Variants in ARL5B observed in about 807,000 individuals in gnomAD.
ARL5B encodes the protein ARF like GTPase 5B.
Under a neutral mutation model 26.9 loss-of-function variants are expected in ARL5B, and 10 were observed. The ratio of observed to expected loss-of-function variants is 0.37; its 90% CI spans 0.23 to 0.63. ARL5B has a LOEUF of 0.63. ARL5B is among the 30% of genes least tolerant of loss of function. The pLI is 0.62. For synonymous variants in ARL5B, 87 were observed against 70.4 expected, an observed-to-expected ratio of 1.24 and a Z score of -1.18; for missense variants, 167 against 213.9, an observed-to-expected ratio of 0.78 and a Z score of 1.37.
rs1477210316 is a variant in ARL5B at position 18,677,698 on chromosome 10, T to G, written c.*2482T>G. 4 of 152,356 alleles carry G rather than the reference T, an allele frequency of 2.6e-5. No homozygotes were observed. The highest frequency in any genetic ancestry group is 9.7e-5 in the African/African-American group (4 of 41,436). 9.4% of individuals were successfully genotyped at this position (152,356 alleles called of 1,614,324 possible). Reference sequence around the variant, plus strand: ...AGATACTGTCTAAAAAATGTACATTTGTAATTAGTGCCTTTATTCATATTT... The same window carrying G: ...AGATACTGTCTAAAAAATGTACATTGGTAATTAGTGCCTTTATTCATATTT... On this transcript the variant is annotated 3_prime_UTR_variant, in exon 6 of 6. Transcript: ENST00000377275.
At chr10:18,673,427 A>G (rs1307336983) in intron 4 of ARL5B, among the ~76,000 whole-genome samples, 1 of 152,106 alleles carries the variant, frequency 6.6e-6, no homozygotes, top group African/African-American at 2.4e-5. Flanking sequence ...CTTTTTGTAC[A>G]ACATTGTGAC....
chr10:18,669,196 T>C (rs549833685), intron 3 of ARL5B, among the ~76,000 whole-genome samples: 1 of 152,184 alleles, frequency 6.6e-6, no homozygotes, highest in South Asian at 2.1e-4. Context: ...ATAGAAAGAT[T>C]GTTTGGAGCT....
At chr10:18,671,127 T>C (rs2059885188) in intron 3 of ARL5B, among the ~76,000 whole-genome samples, 1 of 152,212 alleles carries the variant, frequency 6.6e-6, no homozygotes, top group African/African-American at 2.4e-5. Flanking sequence ...TATTCCCTTC[T>C]AAGCCCAACT....
At position 18,681,262 on chromosome 10, in the gene ARL5B, AACAAAAAATT is replaced by A. The variant is rs1482681671; in HGVS notation, c.*6047_*6056del. ...CCAATATATAAGCATTAACAACAACAACAAAAAATTTAAAACAAGTAAATTAATGCATTCA... is the reference window on the plus strand; with the variant it reads ...CCAATATATAAGCATTAACAACAACATAAAACAAGTAAATTAATGCATTCA... On this transcript the variant is annotated 3_prime_UTR_variant, in exon 6 of 6. Coordinates refer to ENST00000377275, the MANE Select transcript of ARL5B (RefSeq NM_178815.5). 1 of 152,338 alleles carries A rather than the reference AACAAAAAATT, an allele frequency of 6.6e-6. No homozygotes were observed. Among genetic ancestry groups the A allele is most frequent in the East Asian group, 1.9e-4 (1 of 5,192 alleles). The allele number at this position is 152,338 out of a possible 1,614,324, so 9.4% of individuals were successfully genotyped here.
At chr10:18,662,588 C>G (rs1028641390) in intron 1 of ARL5B, among the ~76,000 whole-genome samples, 1 of 151,994 alleles carries the variant, frequency 6.6e-6, no homozygotes, top group Admixed American at 6.6e-5. Context: ...TAGCTCACCT[C>G]TAAAGTTTTG....
intron 4 of ARL5B, 37 bp downstream of exon 4, chr10:18,672,742 G>T (rs778834601): frequency 2.0e-6 from 3 of 1,477,350 alleles, no homozygotes; most frequent in Non-Finnish European, 2.8e-6. Flanking sequence ...AAACAGTGTA[G>T]TAAAGTATCT....
chr10:18,674,979 A>T (rs1257081932), intron 5 of ARL5B, among the ~76,000 whole-genome samples, 189 bp from the exon 6 acceptor site: 2 of 152,112 alleles, frequency 1.3e-5, no homozygotes, highest in Non-Finnish European at 2.9e-5. Flanking sequence ...CCACAAACTG[A>T]TTAAGAATAT....
At chr10:18,668,713 G>A (rs181839450) in intron 3 of ARL5B, 36 bp downstream of exon 3, 65 of 1,601,436 alleles carry the variant, frequency 4.1e-5, no homozygotes, top group Middle Eastern at 3.3e-4. Flanking sequence ...TAATCCAAAG[G>A]TCCCTAGAGT....
At position 18,663,949 on chromosome 10, in the gene ARL5B, T is replaced by TTTTTGTTTTG. The variant is rs141851017; in HGVS notation, c.47-2612_47-2603dup. Among the ~76,000 whole-genome samples the TTTTTGTTTTG allele has an allele frequency of 1.3e-4, 19 of 151,372 alleles. No individual in the cohort carries two copies. In the South Asian group the frequency reaches 2.5e-3, roughly 20 times the overall value. Reference sequence around the variant, plus strand: ...ATCCTGTCTTCCAGACCATTCTTTGTTTTTGTTTTGTTTTGTTTTGTTTGA... The same window carrying TTTTTGTTTTG: ...ATCCTGTCTTCCAGACCATTCTTTGTTTTTGTTTTGTTTTGTTTTGTTTTGTTTTGTTTGA... On this transcript the variant is annotated intron_variant, in intron 1 of 5. Transcript: ENST00000377275.
intron 5 of ARL5B, 67 bp downstream of exon 5, chr10:18,674,202 T>G (rs1007389904): frequency 6.8e-7 from 1 of 1,465,362 alleles, no homozygotes; most frequent in African/African-American, 1.4e-5. Flanking sequence ...TAGGCCAACT[T>G]GTTTTCTTCA....
Position 18,663,572 on chromosome 10 carries a change from G to A in ARL5B, c.47-3003G>A, listed in dbSNP as rs1261258180. Among the ~76,000 whole-genome samples, 13 of 91,524 alleles carry A rather than the reference G, an allele frequency of 1.4e-4. No individual in the cohort carries two copies. The Admixed American group carries it at 1.6e-3, about 11-fold the overall frequency. The allele number at this position is 91,524 out of a possible 152,430, so 60.0% of individuals were successfully genotyped here. A position where few individuals can be genotyped will look rare whatever the true frequency, so the allele number is the denominator to read the frequency against. On this transcript the variant is annotated intron_variant, in intron 1 of 5. Transcript: ENST00000377275. ...TTTTTTTTTTTTTTTTTTTTGAGAT[G>A]GAGTCTCTCTCTGTCGCCCAGGCTG...
intron 1 of ARL5B, among the ~76,000 whole-genome samples, chr10:18,664,416 G>A (rs963074616): frequency 7.3e-6 from 1 of 137,304 alleles, no homozygotes; most frequent in Non-Finnish European, 1.6e-5. Flanking sequence ...GTAACTGATA[G>A]TAACAGTAGT....
intron 5 of ARL5B, 144 bp downstream of exon 5, chr10:18,674,279 T>G: frequency 1.5e-6 from 1 of 655,298 alleles, no homozygotes; most frequent in South Asian, 4.3e-5. Flanking sequence ...TGTCTCAGGC[T>G]TACAACCTAG....
intron 5 of ARL5B, 37 bp downstream of exon 5, chr10:18,674,172 TCAA>T (rs1175283803): frequency 1.3e-6 from 2 of 1,559,888 alleles, no homozygotes; most frequent in Non-Finnish European, 1.7e-6. Flanking sequence ...ATGACTTCTT[TCAA>T]ATTTCTTCCA....
chr10:18,670,216 A>G (rs1451962755), intron 3 of ARL5B, among the ~76,000 whole-genome samples: 1 of 152,198 alleles, frequency 6.6e-6, no homozygotes, highest in East Asian at 1.9e-4. Context: ...GCACTGAATT[A>G]TTTTATTGGG....
intron 1 of ARL5B, among the ~76,000 whole-genome samples, chr10:18,662,445 A>G (rs767452835): frequency 6.6e-6 from 1 of 152,142 alleles, no homozygotes; most frequent in African/African-American, 2.4e-5. Context: ...GCAATTTTGT[A>G]TTGTTTGAAC....
intron 3 of ARL5B, among the ~76,000 whole-genome samples, chr10:18,669,354 G>A (rs1468241289): frequency 3.3e-5 from 5 of 151,950 alleles, no homozygotes; most frequent in East Asian, 3.9e-4. Flanking sequence ...GACCCTGACC[G>A]GTGGAGGAAT....
At position 18,675,373 on chromosome 10, in the gene ARL5B, G is replaced by T. The variant is rs867409191; in HGVS notation, c.*157G>T. Reference sequence around the variant, plus strand: ...AGTGCAGCTGAACTGGAACATAAAAGATTTTTTCTTAACTTTTTTTTTTTA... The same window carrying T: ...AGTGCAGCTGAACTGGAACATAAAATATTTTTTCTTAACTTTTTTTTTTTA... On this transcript the variant is annotated 3_prime_UTR_variant, in exon 6 of 6. Coordinates refer to ENST00000377275, the MANE Select transcript of ARL5B (RefSeq NM_178815.5). 3.0e-5 allele frequency: 19 copies of T among 635,882 alleles called. No individual in the cohort carries two copies. In the South Asian group the frequency reaches 4.1e-4, roughly 14 times the overall value. The allele number at this position is 635,882 out of a possible 1,614,324, so 39.4% of individuals were successfully genotyped here.
rs1303149493 is a variant in ARL5B at position 18,676,113 on chromosome 10, TTTC to T, written c.*900_*902del. The T allele has an allele frequency of 3.3e-5, 5 of 152,530 alleles. No individual in the cohort carries two copies. Among genetic ancestry groups the T allele is most frequent in the Non-Finnish European group, 7.4e-5 (5 of 67,938 alleles). 9.4% of individuals were successfully genotyped at this position (152,530 alleles called of 1,614,324 possible). On this transcript the variant is annotated 3_prime_UTR_variant, in exon 6 of 6. Coordinates refer to ENST00000377275, the MANE Select transcript of ARL5B (RefSeq NM_178815.5). Reference sequence around the variant, plus strand: ...TATTATCAACAGAAATTTTAGCTCTTTTCTTTGCAAGATATATCACAGCTGCTT... The same window carrying T: ...TATTATCAACAGAAATTTTAGCTCTTTTTGCAAGATATATCACAGCTGCTT...
Sources: gnomAD v4.1 joint callset for allele counts (sites outside exome capture counted in the v4.1 genomes callset) on GRCh38, gnomAD v4.1.1 for gene constraint, MANE v1.5 for transcripts, NCBI Gene and HGNC (gene_info 2026-07-23, HGNC 2026-07-21) for gene names.